Variants in MINK1 observed in about 807,000 individuals in gnomAD.
MINK1 encodes misshapen-like kinase 1.
Under a neutral mutation model 178.4 loss-of-function variants are expected in MINK1, and 46 were observed. That is an observed-to-expected ratio of 0.26 (90% CI 0.20 to 0.33). The LOEUF is 0.33. Among genes scored for constraint, MINK1 ranks in the 10% least tolerant of loss-of-function variants. MINK1 has a pLI of 1.00. For synonymous variants in MINK1, 797 were observed against 709.7 expected (o/e 1.12, Z -1.96); for missense variants, 1,366 against 1,814.9 (o/e 0.75, Z 4.49).
rs914154481 is a variant in MINK1, at chr17:4,879,529, G to A, written c.123+1147G>A. Among the ~76,000 whole-genome samples the A allele has an allele frequency of 3.3e-5, 5 of 152,312 alleles. No individual in the cohort carries two copies. The South Asian group carries it at 6.2e-4, about 19-fold the overall frequency. ...GAATAGTGGTGCCATGTGCTCCTGC[G>A]TCTCTGGGCTTGGGGTCTTGAATGG... On this transcript the variant is annotated intron_variant, in intron 2 of 31. Transcript: ENST00000355280.
At chr17:4,859,042 T>C (rs1398984348) in intron 1 of MINK1, 2 of 803,196 alleles carry the variant, frequency 2.5e-6, no homozygotes, top group Non-Finnish European at 3.0e-6. Context: ...AGGGGTAGGA[T>C]GGCACCTTGC....
chr17:4,894,438 G>T lies in MINK1; in HGVS notation c.2809-87G>T. 6.6e-7 allele frequency: 1 copy of T among 1,519,324 alleles called. No individual in the cohort carries two copies. The highest frequency in any genetic ancestry group is 1.2e-5 in the South Asian group (1 of 83,164). 94.1% of individuals were successfully genotyped at this position (1,519,324 alleles called of 1,614,324 possible). Reference sequence around the variant, plus strand: ...AGCTGGACAGCGGGGGTGCCAGTTGGGGAGCTGGAGCCTGGGGAACAGCAG... The same window carrying T: ...AGCTGGACAGCGGGGGTGCCAGTTGTGGAGCTGGAGCCTGGGGAACAGCAG... On this transcript the variant is annotated intron_variant, in intron 23 of 31. Coordinates refer to ENST00000355280, the MANE Select transcript of MINK1 (RefSeq NM_153827.5). This position sits in a 1 kb window ranked among gnomAD's most constrained non-coding sequence, Gnocchi z 4.1.
intron 1 of MINK1, among the ~76,000 whole-genome samples, chr17:4,868,069 C>T (rs1404447665): frequency 6.6e-6 from 1 of 151,302 alleles, no homozygotes; most frequent in Non-Finnish European, 1.5e-5. Flanking sequence ...CTCCACCTTC[C>T]AGGTTCTAGT....
At position 4,897,936 on chromosome 17, in the gene MINK1, C is replaced by T. The variant is rs1969744510; in HGVS notation, c.*649C>T. The T allele has an allele frequency of 6.6e-6, 1 of 152,168 alleles. No homozygotes were observed. The highest frequency in any genetic ancestry group is 2.4e-5 in the African/African-American group (1 of 41,180). The allele number at this position is 152,168 out of a possible 1,614,324, so 9.4% of individuals were successfully genotyped here. A position where few individuals can be genotyped will look rare whatever the true frequency, so the allele number is the denominator to read the frequency against. On this transcript the variant is annotated 3_prime_UTR_variant, in exon 32 of 32. Transcript: ENST00000355280. ...GCAGGGAGCCCTCACTCTCCACGCCCCTTGCTTGCATCTGTATATAGTGTG... is the reference window on the plus strand; with the variant it reads ...GCAGGGAGCCCTCACTCTCCACGCCTCTTGCTTGCATCTGTATATAGTGTG...
chr17:4,889,447 T>G (rs566105139), intron 12 of MINK1, among the ~76,000 whole-genome samples, 200 bp from the exon 13 acceptor site: 1 of 152,092 alleles, frequency 6.6e-6, no homozygotes, highest in Admixed American at 6.5e-5. Context: ...GCCTCTCTCG[T>G]CACAGCTACC....
At chr17:4,839,145 G>A (rs1043536420) in intron 1 of MINK1, among the ~76,000 whole-genome samples, 17 of 152,040 alleles carry the variant, frequency 1.1e-4, no homozygotes, top group South Asian at 4.1e-4. Context: ...GGGTTTCACC[G>A]TGTTAGCCAG....
intron 20 of MINK1, 70 bp from the exon 21 acceptor site, chr17:4,893,364 C>T (rs1039117768): frequency 1.2e-6 from 2 of 1,611,028 alleles, no homozygotes; most frequent in Admixed American, 1.7e-5. Flanking sequence ...GCTGGGGTGT[C>T]CCGGCACCCT....
intron 1 of MINK1, among the ~76,000 whole-genome samples, chr17:4,839,105 G>A (rs951800867): frequency 5.3e-5 from 8 of 152,124 alleles, no homozygotes; most frequent in Non-Finnish European, 7.4e-5. Context: ...CACAATGCCT[G>A]GCTAATTTTT....
Position 4,833,711 on chromosome 17 carries a change from A to C in MINK1, c.57+71A>C. On this transcript the variant is annotated intron_variant, in intron 1 of 31. Coordinates refer to ENST00000355280, the MANE Select transcript of MINK1 (RefSeq NM_153827.5). The surrounding 1 kb of genome is among the most constrained non-coding windows in gnomAD (Gnocchi z 4.8). ...GCAGGGGAGGGAGCGGGGTGGCTGC[A>C]CGCCTCACGTGCTCCCGGGCGCCCC... 7.7e-7 allele frequency: 1 copy of C among 1,295,588 alleles called. No homozygotes were observed. 80.3% of individuals were successfully genotyped at this position (1,295,588 alleles called of 1,614,324 possible).
intron 1 of MINK1, among the ~76,000 whole-genome samples, chr17:4,862,881 A>C (rs79169049): frequency 0.058 from 8,810 of 152,070 alleles, 800 homozygotes; most frequent in African/African-American, 0.19. Context: ...AAAAGGTTTT[A>C]AAAAGTAGCT....
intron 1 of MINK1, among the ~76,000 whole-genome samples, chr17:4,865,779 C>CGTA (rs2150913247): frequency 6.7e-6 from 1 of 150,328 alleles, no homozygotes; most frequent in South Asian, 2.1e-4. Flanking sequence ...CTTGTAGTCC[C>CGTA]AGTTACCTGG....
intron 1 of MINK1, among the ~76,000 whole-genome samples, chr17:4,846,293 T>C (rs1911020929): frequency 6.6e-6 from 1 of 152,216 alleles, no homozygotes; most frequent in South Asian, 2.1e-4. Context: ...CAAGGACTCA[T>C]GAGGTCTTTT....
chr17:4,896,228 C>G lies in MINK1; in HGVS notation c.3501C>G (p.Val1167=). The G allele has an allele frequency of 2.5e-6, 4 of 1,602,722 alleles. No homozygotes were observed. The highest frequency in any genetic ancestry group is 2.2e-5 in the East Asian group (1 of 44,820). The change falls in exon 29 of 32, where the codon GTC becomes GTG. Residue 1167 remains valine (V), a synonymous_variant. Coordinates refer to ENST00000355280, the MANE Select transcript of MINK1 (RefSeq NM_153827.5). This position sits in a 1 kb window ranked among gnomAD's most constrained non-coding sequence, Gnocchi z 4.6. ...FADLPHRPLL[V]DLTVEEGQRL... ...ACCTCCCCCACCGCCCTCTGCTGGTCGACCTGACAGTAGAGGAGGGGCAGC... is the reference window on the plus strand; with the variant it reads ...ACCTCCCCCACCGCCCTCTGCTGGTGGACCTGACAGTAGAGGAGGGGCAGC...
intron 1 of MINK1, among the ~76,000 whole-genome samples, chr17:4,835,820 G>A (rs953650220): frequency 6.6e-6 from 1 of 151,986 alleles, no homozygotes; most frequent in Admixed American, 6.6e-5. Context: ...TGGACTTCTC[G>A]GCTTGAAGCA....
At chr17:4,891,363 G>T (rs1171006101) in intron 15 of MINK1, 93 bp from the exon 16 acceptor site, 1 of 1,447,960 alleles carries the variant, frequency 6.9e-7, no homozygotes, top group African/African-American at 1.4e-5. Context: ...GGAGGAAGGG[G>T]CAGCTAAAGT....
chr17:4,897,108 A>C (rs2151085429), intron 31 of MINK1, 96 bp from the exon 32 acceptor site: 2 of 1,090,674 alleles, frequency 1.8e-6, no homozygotes, highest in Non-Finnish European at 2.7e-6. Context: ...GTCTCCCTCA[A>C]CTCTTCTGCC....
intron 1 of MINK1, among the ~76,000 whole-genome samples, chr17:4,872,084 C>T (rs1915924644): frequency 6.6e-6 from 1 of 152,100 alleles, no homozygotes; most frequent in Non-Finnish European, 1.5e-5. Flanking sequence ...TAATCCCGCA[C>T]TTTGGGAGGC....
chr17:4,839,195 A>G lies in MINK1; in HGVS notation c.57+5555A>G, dbSNP rs181202920. On this transcript the variant is annotated intron_variant, in intron 1 of 31. Transcript: ENST00000355280. ...CCTGACCTTGTAATCTGCCCGCCTC[A>G]GCCTCCCAAAGTGCTGGGATTACAG... 6.3e-3 allele frequency among the ~76,000 whole-genome samples: 962 copies of G among 152,228 alleles called. 16 individuals are homozygous for G. The highest frequency in any genetic ancestry group is 0.021 in the African/African-American group (887 of 41,534).
Position 4,875,664 on chromosome 17 carries a change from C to T in MINK1, c.58-2653C>T, listed in dbSNP as rs186727027. On this transcript the variant is annotated intron_variant, in intron 1 of 31. Transcript: ENST00000355280. ...GCACACGCCTGTAGTCCCAGCTACT[C>T]GGGAGGCTGAGGCAGGAGAATCATT... is the stretch of plus-strand genomic sequence containing the variant. 151 of 304,226 alleles carry T rather than the reference C, an allele frequency of 5.0e-4. 1 individual carries two copies. Among genetic ancestry groups the T allele is most frequent in the Non-Finnish European group, 3.3e-4 (50 of 153,500 alleles). The allele number at this position is 304,226 out of a possible 1,614,324, so 18.8% of individuals were successfully genotyped here. A position where few individuals can be genotyped will look rare whatever the true frequency, so the allele number is the denominator to read the frequency against.
Sources: allele counts gnomAD v4.1 joint callset (sites outside exome capture counted in the v4.1 genomes callset), GRCh38; gene constraint gnomAD v4.1.1; non-coding constraint Gnocchi (gnomAD v3.1); transcripts MANE v1.5; gene names NCBI Gene and HGNC (gene_info 2026-07-23, HGNC 2026-07-21).